ZNF638: variants seen among roughly 807,000 people sequenced by gnomAD.
ZNF638 encodes zinc finger protein 638, also known as CTCL tumor antigen se33-1.
ZNF638 carries 46 observed loss-of-function variants against 195.6 expected under a neutral mutation model. The observed-to-expected ratio is 0.24, with a 90% CI of 0.19 to 0.30. The LOEUF (loss-of-function observed/expected upper bound fraction) is 0.30. ZNF638 is among the 10% of genes least tolerant of loss of function. The pLI is 1.00. For missense variants in ZNF638, 2,440 were observed against 2,325.3 expected, an observed-to-expected ratio of 1.05 and a Z score of -1.01; for synonymous variants, 845 against 772.0, an observed-to-expected ratio of 1.09 and a Z score of -1.57.
chr2:71,393,748 C>A, intron 10 of ZNF638: 1 of 641,876 alleles, frequency 1.6e-6, no homozygotes, highest in Non-Finnish European at 2.9e-6. Context: ...GCCTTTCTTA[C>A]GCCCTGTTAC....
chr2:71,371,163 A>T (rs2079305204), intron 8 of ZNF638, among the ~76,000 whole-genome samples: 1 of 152,146 alleles, frequency 6.6e-6, no homozygotes, highest in Non-Finnish European at 1.5e-5. Context: ...TGTTATTTTA[A>T]ATAACTGAAT....
chr2:71,349,050 G>A lies in ZNF638; in HGVS notation c.96G>A (p.Met32Ile). Residue 32 changes from methionine to isoleucine, a missense_variant, in exon 2 of 28, where the codon ATG (methionine) becomes ATA (isoleucine). Transcript: ENST00000264447. ...GGATGAGGCCTCCAGGACCATTTAT[G>A]AGGCCTGGATCTATGGGTCTCCCAA... ...PSGMRPPGPF[M>I]RPGSMGLPRF... 1.2e-6 allele frequency: 2 copies of A among 1,614,210 alleles called. No homozygotes were observed. The highest frequency in any genetic ancestry group is 1.7e-6 in the Non-Finnish European group (2 of 1,180,038).
In ZNF638 at chr2:71,423,997, G is replaced by T. The variant is rs778773341; in HGVS notation, c.4483G>T (p.Ala1495Ser). Residue 1495 changes from alanine (A) to serine (S), a missense_variant, in exon 22 of 28, where the codon GCT becomes TCT. Ala to Ser is a moderately conservative substitution (Grantham distance 99, BLOSUM62 1). Around this residue, in one of 5 missense-constraint regions of ZNF638, gnomAD observed 1,883 missense variants for 1,739.1 expected, o/e 1.08. Coordinates refer to ENST00000264447, the MANE Select transcript of ZNF638 (RefSeq NM_014497.5). The part of the protein sequence containing the change: ...DITKQSQETE[A>S]RPSIMKRDDS... The stretch of plus-strand genomic sequence containing the variant: ...AACAAAACAATCTCAGGAAACAGAG[G>T]CTAGACCTTCCATCATGAAACGGGA... 1.2e-6 allele frequency: 2 copies of T among 1,614,044 alleles called. No individual in the cohort carries two copies.
chr2:71,409,307 T>C (rs1042744521), intron 20 of ZNF638, among the ~76,000 whole-genome samples: 4 of 152,204 alleles, frequency 2.6e-5, no homozygotes, highest in Admixed American at 2.0e-4. Flanking sequence ...ATCAACTCTA[T>C]ATTATCTTCT....
At chr2:71,395,699 A>G (rs1014562775) in intron 10 of ZNF638, 35 of 459,480 alleles carry the variant, frequency 7.6e-5, no homozygotes, top group Non-Finnish European at 1.2e-4. Context: ...TCAGGGCTGC[A>G]TTCTCTCTTT....
chr2:71,401,820 C>T (rs911913383), intron 15 of ZNF638, 136 bp from the exon 16 acceptor site: 8 of 710,308 alleles, frequency 1.1e-5, no homozygotes, highest in Non-Finnish European at 1.7e-5. Flanking sequence ...AGGTTCAGAC[C>T]AGCCTCTTGA....
chr2:71,370,359 A>G (rs1210588816), intron 8 of ZNF638, among the ~76,000 whole-genome samples: 1 of 152,166 alleles, frequency 6.6e-6, no homozygotes, highest in Non-Finnish European at 1.5e-5. Flanking sequence ...ACAAGTAAAC[A>G]CTAACTTGAT....
intron 8 of ZNF638, among the ~76,000 whole-genome samples, chr2:71,372,493 G>T (rs1290515065): frequency 1.3e-5 from 2 of 152,196 alleles, no homozygotes; most frequent in East Asian, 1.9e-4. Flanking sequence ...CACAGACTCT[G>T]TCCATGTTGT....
In ZNF638 at chr2:71,431,383, G is replaced by A. The variant is rs955052328; in HGVS notation, c.5707G>A (p.Glu1903Lys). The A allele has an allele frequency of 5.6e-6, 9 of 1,613,962 alleles. No homozygotes were observed. The highest frequency in any genetic ancestry group is 6.8e-6 in the Non-Finnish European group (8 of 1,179,924). Residue 1903 changes from glutamate to lysine, a missense_variant, in exon 26 of 28, where the codon GAA becomes AAA. By Grantham distance (56) the Glu-to-Lys change is moderately conservative. Coordinates refer to ENST00000264447, the MANE Select transcript of ZNF638 (RefSeq NM_014497.5). ...ACCAGAGCGAAAACGCAAGAAGACTGAAGACTCTTCTTCAGGCAAATCAGT... is the reference window on the plus strand; with the variant it reads ...ACCAGAGCGAAAACGCAAGAAGACTAAAGACTCTTCTTCAGGCAAATCAGT... ...SEPERKRKKTEDSSSGKSVAS... is the reference protein window; with the variant it reads ...SEPERKRKKTKDSSSGKSVAS...
chr2:71,417,115 T>C (rs1398732018), intron 20 of ZNF638, among the ~76,000 whole-genome samples: 1 of 143,428 alleles, frequency 7.0e-6, no homozygotes, highest in Non-Finnish European at 1.5e-5. Flanking sequence ...AGTGCTGTGC[T>C]AGCAATCAGC....
At chr2:71,411,626 T>G (rs2080230034) in intron 20 of ZNF638, among the ~76,000 whole-genome samples, 1 of 101,638 alleles carries the variant, frequency 9.8e-6, no homozygotes, top group Non-Finnish European at 2.0e-5. Context: ...CCCTCCCCCC[T>G]CCCCTGACCC....
intron 8 of ZNF638, among the ~76,000 whole-genome samples, chr2:71,378,357 A>G (rs2079473799): frequency 1.3e-5 from 2 of 152,224 alleles, no homozygotes; most frequent in African/African-American, 2.4e-5. Flanking sequence ...TTTCTTCTAA[A>G]TAATTGAGTT....
At chr2:71,390,962 T>C (rs1434972296) in intron 10 of ZNF638, among the ~76,000 whole-genome samples, 3 of 152,212 alleles carry the variant, frequency 2.0e-5, no homozygotes, top group Non-Finnish European at 4.4e-5. Flanking sequence ...TTTCTAATAA[T>C]GGCCACTGTT....
chr2:71,433,454 C>G, intron 27 of ZNF638, 171 bp downstream of exon 27: 1 of 560,344 alleles, frequency 1.8e-6, no homozygotes, highest in Non-Finnish European at 3.2e-6. Flanking sequence ...ATTTCTAGTC[C>G]TTATTCCTTT....
In ZNF638 at chr2:71,435,061, A is replaced by G. The variant is rs1573187757; in HGVS notation, c.*254A>G. On this transcript the variant is annotated 3_prime_UTR_variant, in exon 28 of 28. Transcript: ENST00000264447. ...GTTCCTACTGTATATTTAAAATACC[A>G]TCTGTGTTTGTGGCTGATTTTTTAA... 1 of 308,870 alleles carries G rather than the reference A, an allele frequency of 3.2e-6. No homozygotes were observed. The allele number at this position is 308,870 out of a possible 1,614,324, so 19.1% of individuals were successfully genotyped here.
At chr2:71,411,363 T>C (rs1470725711) in intron 20 of ZNF638, among the ~76,000 whole-genome samples, 2 of 151,642 alleles carry the variant, frequency 1.3e-5, no homozygotes, top group African/African-American at 4.8e-5. Context: ...TCTGTTTTTC[T>C]GGAAATAATA....
Position 71,380,515 on chromosome 2 carries a change from G to C in ZNF638, c.2327G>C (p.Arg776Thr). 6.2e-7 allele frequency: 1 copy of C among 1,602,564 alleles called. No individual in the cohort carries two copies. The highest frequency in any genetic ancestry group is 8.5e-7 in the Non-Finnish European group (1 of 1,176,134). ...AAATTTTTTCTCCTTTTAAATAGAA[G>C]AGATGCAGATGCTTCAAAAGCTGTT... The part of the protein sequence containing the change: ...SKKVSASTLK[R>T]DADASKAVEI... Residue 776 changes from arginine to threonine, a missense_variant and splice_region_variant, in exon 10 of 28, where the codon AGA becomes ACA. Physicochemically the swap from Arg to Thr is moderately conservative, Grantham distance 71. Coordinates refer to ENST00000264447, the MANE Select transcript of ZNF638 (RefSeq NM_014497.5).
At chr2:71,406,505 A>G (rs978081263) in intron 19 of ZNF638, among the ~76,000 whole-genome samples, 1 of 152,058 alleles carries the variant, frequency 6.6e-6, no homozygotes, top group South Asian at 2.1e-4. Context: ...GAAAGGTAAT[A>G]TAGTGTAGAC....
rs371571352 is a variant in ZNF638, at chr2:71,380,418, T to C, written c.2325-95T>C. ...GAGGGATATCACTCCAGTTGAATTA[T>C]TTTAAACGTTTTTAGGTTTAAATAT... On this transcript the variant is annotated intron_variant, in intron 9 of 27. Coordinates refer to ENST00000264447, the MANE Select transcript of ZNF638 (RefSeq NM_014497.5). 5.8e-6 allele frequency: 7 copies of C among 1,204,938 alleles called. No individual in the cohort carries two copies. The East Asian group carries it at 1.5e-4, about 26-fold the overall frequency. 74.6% of individuals were successfully genotyped at this position (1,204,938 alleles called of 1,614,324 possible).
Sources: gnomAD v4.1 joint callset for allele counts (sites outside exome capture counted in the v4.1 genomes callset) on GRCh38, gnomAD v4.1.1 for gene constraint, gnomAD v4.1.1 regional missense constraint, MANE v1.5 for transcripts, NCBI Gene and HGNC (gene_info 2026-07-23, HGNC 2026-07-21) for gene names.